MYRFL: variants seen among roughly 807,000 people sequenced by gnomAD.
MYRFL encodes myelin regulatory factor like.
A neutral mutation model predicts 109.4 loss-of-function variants in MYRFL; 88 were observed. That is an observed-to-expected ratio of 0.80 (90% confidence interval 0.68 to 0.96). The LOEUF (loss-of-function observed/expected upper bound fraction) is 0.96. Among genes scored for constraint, MYRFL ranks in the 40% least tolerant of loss-of-function variants. The pLI is 0.00. For missense variants in MYRFL, 957 were observed against 954.9 expected (o/e 1.00, Z -0.03); for synonymous variants, 324 against 320.9 (o/e 1.01, Z -0.10).
intron 13 of MYRFL, 103 bp downstream of exon 13, chr12:69,911,033 C>A: frequency 1.5e-6 from 1 of 670,944 alleles, no homozygotes; most frequent in Non-Finnish European, 2.5e-6. Flanking sequence ...GGAAGTGGGA[C>A]ATTAAAATAA....
chr12:69,887,713 A>G (rs1886545604), intron 6 of MYRFL, among the ~76,000 whole-genome samples: 1 of 152,244 alleles, frequency 6.6e-6, no homozygotes. Flanking sequence ...TGTAAAGCTT[A>G]TCACTAGGAC....
At chr12:69,940,346 C>T (rs1463667486) in intron 19 of MYRFL, among the ~76,000 whole-genome samples, 21 of 150,580 alleles carry the variant, frequency 1.4e-4, no homozygotes, top group Non-Finnish European at 2.1e-4. Context: ...AGACTAACAG[C>T]GGATCTCTCG....
intron 1 of MYRFL, among the ~76,000 whole-genome samples, chr12:69,828,461 A>G (rs1299500018): frequency 6.6e-6 from 1 of 152,138 alleles, no homozygotes; most frequent in Non-Finnish European, 1.5e-5. Context: ...GTTAAATACA[A>G]TCTGTGACAT....
chr12:69,921,375 A>G (rs1954905845), intron 13 of MYRFL, among the ~76,000 whole-genome samples: 1 of 152,210 alleles, frequency 6.6e-6, no homozygotes, highest in Admixed American at 6.5e-5. Context: ...GGGTCCAGAC[A>G]TGTGTATTTA....
intron 5 of MYRFL, among the ~76,000 whole-genome samples, chr12:69,884,075 A>G (rs137996912): frequency 2.6e-4 from 39 of 152,310 alleles, no homozygotes; most frequent in African/African-American, 9.4e-4. Flanking sequence ...ATACCACTAG[A>G]TCATTTTGTA....
intron 1 of MYRFL, among the ~76,000 whole-genome samples, chr12:69,835,086 A>G (rs1445788306): frequency 6.6e-6 from 1 of 152,210 alleles, no homozygotes; most frequent in Non-Finnish European, 1.5e-5. Context: ...TTTTAAGGAG[A>G]TAACTTTTTT....
chr12:69,845,028 A>AT (rs1446322882), intron 1 of MYRFL, among the ~76,000 whole-genome samples: 6 of 151,822 alleles, frequency 4.0e-5, no homozygotes, highest in African/African-American at 1.4e-4. Flanking sequence ...TGCTACTGCC[A>AT]TTTTTTCTCC....
chr12:69,859,110 A>G (rs1270370425), intron 2 of MYRFL, among the ~76,000 whole-genome samples: 1 of 151,836 alleles, frequency 6.6e-6, no homozygotes, highest in Non-Finnish European at 1.5e-5. Flanking sequence ...TCTTTGACTC[A>G]TGGGTTGCTG....
intron 15 of MYRFL, among the ~76,000 whole-genome samples, chr12:69,929,419 CAGG>C: frequency 6.6e-6 from 1 of 152,094 alleles, no homozygotes; most frequent in South Asian, 2.1e-4. Context: ...CTCAGAGTGC[CAGG>C]AGGTTTATGA....
chr12:69,950,040 A>C (rs1955937493), intron 19 of MYRFL, among the ~76,000 whole-genome samples: 1 of 152,166 alleles, frequency 6.6e-6, no homozygotes, highest in South Asian at 2.1e-4. Flanking sequence ...TCAGTGCAAA[A>C]ATATATGTCC....
chr12:69,955,218 A>G (rs897161365), intron 21 of MYRFL, 145 bp from the exon 22 acceptor site: 6 of 367,878 alleles, frequency 1.6e-5, no homozygotes, highest in Non-Finnish European at 2.4e-5. Context: ...CAAAAAAATG[A>G]TACCAGGTTG....
chr12:69,850,688 T>G (rs767031173), intron 1 of MYRFL, among the ~76,000 whole-genome samples: 2 of 152,204 alleles, frequency 1.3e-5, no homozygotes, highest in Non-Finnish European at 2.9e-5. Context: ...ATTTTTTCTT[T>G]GTCAGGGTTT....
chr12:69,846,510 T>C (rs771229373), intron 1 of MYRFL, among the ~76,000 whole-genome samples: 175 of 152,258 alleles, frequency 1.1e-3, no homozygotes, highest in Non-Finnish European at 2.1e-3. Context: ...TCCATGTCCC[T>C]ACAAAGGACA....
intron 13 of MYRFL, among the ~76,000 whole-genome samples, chr12:69,923,946 C>G (rs1239816): frequency 6.6e-6 from 1 of 151,786 alleles, no homozygotes; most frequent in Non-Finnish European, 1.5e-5. Flanking sequence ...TCCCAGCACT[C>G]TGGGATACCA....
chr12:69,826,867 C>T (rs1565955368), intron 1 of MYRFL, among the ~76,000 whole-genome samples: 2 of 152,068 alleles, frequency 1.3e-5, no homozygotes, highest in African/African-American at 2.4e-5. Flanking sequence ...AAATATTGAG[C>T]GCCTACTCTG....
chr12:69,909,827 C>A, intron 11 of MYRFL, 142 bp from the exon 12 acceptor site: 1 of 652,326 alleles, frequency 1.5e-6, no homozygotes, highest in Non-Finnish European at 2.5e-6. Flanking sequence ...GTTGGGTAAT[C>A]CTGGCTTGGA....
At chr12:69,827,178 T>A (rs1429217685) in intron 1 of MYRFL, among the ~76,000 whole-genome samples, 2 of 151,972 alleles carry the variant, frequency 1.3e-5, no homozygotes, top group Non-Finnish European at 2.9e-5. Flanking sequence ...AAGAAAAAAA[T>A]TTGACAATTT....
intron 1 of MYRFL, among the ~76,000 whole-genome samples, chr12:69,843,846 AG>A (rs746705365): frequency 7.2e-5 from 11 of 152,308 alleles, no homozygotes; most frequent in Non-Finnish European, 1.2e-4. Context: ...CACACCCAGG[AG>A]GCCTACGCAG....
intron 19 of MYRFL, among the ~76,000 whole-genome samples, chr12:69,942,764 C>G (rs1050905748): frequency 5.9e-5 from 9 of 151,912 alleles, no homozygotes; most frequent in African/African-American, 1.9e-4. Context: ...TTGCAGATGA[C>G]ATGATTGTAT....
Sources: gnomAD v4.1 joint callset for allele counts (sites outside exome capture counted in the v4.1 genomes callset) on GRCh38, gnomAD v4.1.1 for gene constraint, MANE v1.5 for transcripts, NCBI Gene and HGNC (gene_info 2026-07-23, HGNC 2026-07-21) for gene names.